NSUN4: variants seen among roughly 807,000 people sequenced by gnomAD.
NSUN4 encodes the protein NOP2/Sun RNA methyltransferase 4, also known as 5-cytosine rRNA methyltransferase NSUN4.
Under a neutral mutation model 43.8 loss-of-function variants are expected in NSUN4, and 31 were observed. The ratio of observed to expected loss-of-function variants is 0.71; its 90% CI spans 0.53 to 0.96. The LOEUF (loss-of-function observed/expected upper bound fraction) is 0.96. Among genes scored for constraint, NSUN4 ranks in the 40% least tolerant of loss-of-function variants. The pLI, the probability that NSUN4 is intolerant of heterozygous loss-of-function variation, is 0.00. For synonymous variants in NSUN4, 167 were observed against 184.1 expected, an observed-to-expected ratio of 0.91 and a Z score of 0.75; for missense variants, 439 against 475.6, an observed-to-expected ratio of 0.92 and a Z score of 0.72.
At chr1:46,341,044 C>T in intron 1 of NSUN4, 125 bp downstream of exon 1, 2 of 1,108,572 alleles carry the variant, frequency 1.8e-6, no homozygotes, top group Non-Finnish European at 2.5e-6. Flanking sequence ...TCCTTAGGCA[C>T]CTCCCTCTCT....
chr1:46,348,686 G>C (rs1662708732), intron 3 of NSUN4, among the ~76,000 whole-genome samples: 1 of 114,756 alleles, frequency 8.7e-6, no homozygotes, highest in East Asian at 2.8e-4. Flanking sequence ...TTCCGCTTGG[G>C]CAACAAGAGC....
intron 4 of NSUN4, among the ~76,000 whole-genome samples, chr1:46,359,604 G>T (rs1663662934): frequency 1.4e-5 from 2 of 142,540 alleles, no homozygotes; most frequent in African/African-American, 2.6e-5. Context: ...AGGCTGGAGT[G>T]CAATGGCGCG....
At chr1:46,378,896 A>G in the NSUN4 span, among the ~76,000 whole-genome samples, 1 of 152,290 alleles carries the variant, frequency 6.6e-6, no homozygotes, top group South Asian at 2.1e-4. Context: ...GCTTTTTCTT[A>G]TGGCAGTGGC....
chr1:46,353,094 C>A (rs1200532157), intron 4 of NSUN4, 66 bp downstream of exon 4: 6 of 1,473,382 alleles, frequency 4.1e-6, no homozygotes, highest in South Asian at 1.2e-5. Flanking sequence ...GGTTCTAGGG[C>A]CTGAGGGGTT....
At chr1:46,377,461 G>T in the NSUN4 span, among the ~76,000 whole-genome samples, 11 of 152,196 alleles carry the variant, frequency 7.2e-5, no homozygotes, top group African/African-American at 2.2e-4. Flanking sequence ...ACCCAAGAGT[G>T]CTTCTCAAGA....
chr1:46,352,984 G>A lies in NSUN4; in HGVS notation c.709G>A (p.Asp237Asn). ...DGNQVRVTSW[D>N]GRKWGELEGD... ...AAATCAAGTTCGAGTTACCTCATGG[G>A]ATGGCAGGAAATGGGGAGAACTGGA... is the stretch of plus-strand genomic sequence containing the variant. Residue 237 changes from aspartate (D) to asparagine (N), a missense_variant, in exon 4 of 6, where the codon GAT (aspartate) becomes AAT (asparagine). Transcript: ENST00000474844. The A allele has an allele frequency of 6.2e-7, 1 of 1,614,218 alleles. No individual in the cohort carries two copies. The highest frequency in any genetic ancestry group is 8.5e-7 in the Non-Finnish European group (1 of 1,180,022).
At chr1:46,383,150 A>C in the NSUN4 span, among the ~76,000 whole-genome samples, 1 of 152,228 alleles carries the variant, frequency 6.6e-6, no homozygotes. Flanking sequence ...AGTCTGCAGG[A>C]AGTGGCTGAG....
chr1:46,366,477 T>C (rs534449792), downstream of NSUN4, among the ~76,000 whole-genome samples: 8 of 152,140 alleles, frequency 5.3e-5, no homozygotes, highest in African/African-American at 1.9e-4. Context: ...TTGTTATTCA[T>C]GACAAAAGTG....
At chr1:46,351,351 C>T (rs1358338240) in intron 3 of NSUN4, among the ~76,000 whole-genome samples, 2 of 151,986 alleles carry the variant, frequency 1.3e-5, no homozygotes, top group South Asian at 2.1e-4. Context: ...GCAACAAGAG[C>T]GAAACTAAAG....
intron 3 of NSUN4, among the ~76,000 whole-genome samples, chr1:46,348,808 GTTTTTTTTTTT>G (rs869234807): frequency 2.7e-4 from 21 of 77,842 alleles, no homozygotes; most frequent in South Asian, 4.6e-4. Context: ...CTTGTGCACT[GTTTTTTTTTTT>G]TTTTTTTTTT....
At chr1:46,343,460 C>T (rs1397329604) in intron 1 of NSUN4, 1 of 399,452 alleles carries the variant, frequency 2.5e-6, no homozygotes, top group African/African-American at 2.1e-5. Context: ...TGCCTTCATC[C>T]AAGGATTCCA....
the NSUN4 span, among the ~76,000 whole-genome samples, chr1:46,371,204 G>A: frequency 6.1e-5 from 9 of 147,356 alleles, no homozygotes; most frequent in African/African-American, 2.3e-4. Context: ...TGGTCTGATC[G>A]TGGCTCACTG....
intron 4 of NSUN4, among the ~76,000 whole-genome samples, chr1:46,358,398 ATTTTTTT>A (rs34719174): frequency 1.0e-5 from 1 of 95,454 alleles, no homozygotes; most frequent in Non-Finnish European, 2.0e-5. Context: ...TCCTGGCCTA[ATTTTTTT>A]TTTTTTTTTT....
At chr1:46,373,579 A>C in the NSUN4 span, among the ~76,000 whole-genome samples, 19 of 152,230 alleles carry the variant, frequency 1.2e-4, no homozygotes, top group African/African-American at 4.3e-4. Context: ...AGCATGAGCC[A>C]ATCTGGCTTT....
downstream of NSUN4, among the ~76,000 whole-genome samples, chr1:46,368,866 A>T (rs111354667): frequency 6.1e-3 from 930 of 152,198 alleles, 14 homozygotes; most frequent in African/African-American, 0.022. Flanking sequence ...CAGCCTGAGC[A>T]ACATAGGGAG....
Position 46,352,918 on chromosome 1 carries a change from A to G in NSUN4, c.643A>G (p.Lys215Glu). Residue 215 changes from lysine to glutamate, a missense_variant, in exon 4 of 6, where the codon AAG becomes GAG. By Grantham distance (56) the Lys-to-Glu change is moderately conservative. Coordinates refer to ENST00000474844, the MANE Select transcript of NSUN4 (RefSeq NM_199044.4). ...CCCGTCCCGAATAGCCAGACTACAG[A>G]AGATCCTTCACAGCTATGTGCCTGA... ...LSPSRIARLQ[K>E]ILHSYVPEEI... The G allele has an allele frequency of 6.2e-7, 1 of 1,614,208 alleles. No homozygotes were observed. The highest frequency in any genetic ancestry group is 8.5e-7 in the Non-Finnish European group (1 of 1,180,000).
intron 4 of NSUN4, among the ~76,000 whole-genome samples, chr1:46,355,730 T>G (rs1047919429): frequency 1.3e-5 from 2 of 152,174 alleles, no homozygotes; most frequent in African/African-American, 4.8e-5. Context: ...AAAAACTAGT[T>G]GTGGCCGGGC....
At chr1:46,349,764 A>G (rs1365472437) in intron 3 of NSUN4, among the ~76,000 whole-genome samples, 1 of 152,212 alleles carries the variant, frequency 6.6e-6, no homozygotes, top group Non-Finnish European at 1.5e-5. Flanking sequence ...CATGGGCTTA[A>G]TGAATCCAAT....
At chr1:46,345,373 C>T in intron 2 of NSUN4, 1 of 494,334 alleles carries the variant, frequency 2.0e-6, no homozygotes, top group East Asian at 3.3e-5. Flanking sequence ...TTTGGAGAAA[C>T]TGAGGTACAG....
Sources: allele counts gnomAD v4.1 joint callset (sites outside exome capture counted in the v4.1 genomes callset), GRCh38; gene constraint gnomAD v4.1.1; transcripts MANE v1.5; gene names NCBI Gene and HGNC (gene_info 2026-07-23, HGNC 2026-07-21).